KIAA0825: variants seen among roughly 807,000 people sequenced by gnomAD.
KIAA0825 encodes the protein uncharacterized protein KIAA0825.
Under a neutral mutation model 147.6 loss-of-function variants are expected in KIAA0825, and 119 were observed. The observed-to-expected ratio is 0.81, with a 90% CI of 0.69 to 0.94. The LOEUF is 0.94. Ranked by LOEUF, KIAA0825 falls within the 40% of genes least tolerant of loss-of-function variation. The pLI is 0.00. For synonymous variants in KIAA0825, 470 were observed against 518.1 expected, an observed-to-expected ratio of 0.91 and a Z score of 1.26; for missense variants, 1,381 against 1,472.7, an observed-to-expected ratio of 0.94 and a Z score of 1.02.
chr5:94,501,749 G>A (rs1007969483), intron 5 of KIAA0825, among the ~76,000 whole-genome samples: 5 of 152,064 alleles, frequency 3.3e-5, no homozygotes, highest in Admixed American at 2.6e-4. Context: ...TATTTGTTTT[G>A]GAGGGCAATT....
At chr5:94,225,351 T>A (rs1032678916) in intron 20 of KIAA0825, among the ~76,000 whole-genome samples, 1 of 152,242 alleles carries the variant, frequency 6.6e-6, no homozygotes, top group Non-Finnish European at 1.5e-5. Context: ...ATTGAAATTA[T>A]TGCTAAAATA....
intron 20 of KIAA0825, among the ~76,000 whole-genome samples, chr5:94,229,741 A>G (rs1258721297): frequency 2.5e-4 from 38 of 151,842 alleles, no homozygotes; most frequent in Admixed American, 2.5e-3. Flanking sequence ...CTTATAGGTC[A>G]TTTTTTATTA....
At chr5:94,254,070 T>A (rs1046783710) in intron 20 of KIAA0825, among the ~76,000 whole-genome samples, 1 of 152,114 alleles carries the variant, frequency 6.6e-6, no homozygotes, top group Non-Finnish European at 1.5e-5. Context: ...GAAACTTCAC[T>A]TTCTCAGGGC....
At chr5:94,349,030 CAACT>C (rs1331630111) in intron 20 of KIAA0825, among the ~76,000 whole-genome samples, 11 of 151,950 alleles carry the variant, frequency 7.2e-5, no homozygotes, top group African/African-American at 2.2e-4. Context: ...ACTCACCAAC[CAACT>C]ATCTGCTGTC....
At chr5:94,335,911 T>C (rs1781743733) in intron 20 of KIAA0825, among the ~76,000 whole-genome samples, 1 of 152,214 alleles carries the variant, frequency 6.6e-6, no homozygotes, top group Non-Finnish European at 1.5e-5. Flanking sequence ...AAATAATCAC[T>C]AACTTTTTAA....
chr5:94,499,248 A>AC (rs1764742009), intron 5 of KIAA0825, among the ~76,000 whole-genome samples: 1 of 152,178 alleles, frequency 6.6e-6, no homozygotes. Flanking sequence ...GACCTGAGAA[A>AC]CAAGGCCCAG....
chr5:94,457,560 C>A (rs567195236), intron 12 of KIAA0825, among the ~76,000 whole-genome samples: 24 of 152,292 alleles, frequency 1.6e-4, no homozygotes, highest in South Asian at 8.3e-4. Flanking sequence ...CATCGTAGGG[C>A]CTCTGTGCCG....
At chr5:94,391,239 A>G (rs912533816) in intron 18 of KIAA0825, among the ~76,000 whole-genome samples, 2 of 152,220 alleles carry the variant, frequency 1.3e-5, no homozygotes, top group Non-Finnish European at 2.9e-5. Flanking sequence ...CTTAACAGTC[A>G]CAAACACACA....
At chr5:94,332,029 G>A (rs1048201141) in intron 20 of KIAA0825, among the ~76,000 whole-genome samples, 1 of 151,810 alleles carries the variant, frequency 6.6e-6, no homozygotes, top group Non-Finnish European at 1.5e-5. Flanking sequence ...AGGCACAGGG[G>A]TGTGTGCCTA....
At chr5:94,536,923 A>G in intron 3 of KIAA0825, 73 bp downstream of exon 3, 1 of 1,054,550 alleles carries the variant, frequency 9.5e-7, no homozygotes, top group Non-Finnish European at 1.4e-6. Context: ...AGAGCAGGAT[A>G]CAAATAGACC....
At chr5:94,309,403 G>A (rs1359805107) in intron 20 of KIAA0825, among the ~76,000 whole-genome samples, 1 of 151,638 alleles carries the variant, frequency 6.6e-6, no homozygotes, top group Non-Finnish European at 1.5e-5. Context: ...GAGGATTACA[G>A]GAGAAAAGAG....
chr5:94,488,845 A>C lies in KIAA0825; in HGVS notation c.971-3915T>G, dbSNP rs1378498005. On this transcript the variant is annotated intron_variant, in intron 5 of 20. Coordinates refer to ENST00000682413, the MANE Select transcript of KIAA0825 (RefSeq NM_001145678.3). The stretch of plus-strand genomic sequence containing the variant: ...AATTCACAAGGCTAATTAGTATATT[A>C]AAGTCTCTATTTCCTGCCATAATAA... Among the ~76,000 whole-genome samples, 7 of 152,242 alleles carry C rather than the reference A, an allele frequency of 4.6e-5. No individual in the cohort carries two copies. The East Asian group carries it at 1.3e-3, about 29-fold the overall frequency.
intron 20 of KIAA0825, among the ~76,000 whole-genome samples, chr5:94,257,111 G>A (rs1473284275): frequency 6.6e-6 from 1 of 152,074 alleles, no homozygotes; most frequent in Non-Finnish European, 1.5e-5. Flanking sequence ...GGAGTACTGG[G>A]AGAGATTAAC....
chr5:94,488,525 A>G (rs1763330634), intron 5 of KIAA0825, among the ~76,000 whole-genome samples: 1 of 152,222 alleles, frequency 6.6e-6, no homozygotes, highest in African/African-American at 2.4e-5. Context: ...AAGCCCACGT[A>G]AATAATGAGG....
intron 20 of KIAA0825, among the ~76,000 whole-genome samples, chr5:94,367,599 G>C (rs554920555): frequency 6.6e-6 from 1 of 152,302 alleles, no homozygotes; most frequent in South Asian, 2.1e-4. Flanking sequence ...TGCCACAGTG[G>C]AGGTACTTGG....
chr5:94,594,279 T>C, intron 1 of KIAA0825: 1 of 632,372 alleles, frequency 1.6e-6, no homozygotes, highest in East Asian at 3.9e-5. Context: ...ATGCCCTGAG[T>C]TTCAGATCCC....
At chr5:94,185,825 T>C (rs1347299247) in intron 20 of KIAA0825, among the ~76,000 whole-genome samples, 3 of 152,208 alleles carry the variant, frequency 2.0e-5, no homozygotes, top group Admixed American at 2.0e-4. Flanking sequence ...TTCAGTTGTA[T>C]CATTTACTAG....
At chr5:94,559,748 A>G (rs1176926590) in intron 2 of KIAA0825, among the ~76,000 whole-genome samples, 1 of 152,126 alleles carries the variant, frequency 6.6e-6, no homozygotes, top group African/African-American at 2.4e-5. Flanking sequence ...CCTTCCTCCA[A>G]AACTCCCATA....
intron 2 of KIAA0825, among the ~76,000 whole-genome samples, chr5:94,581,062 C>A (rs555419878): frequency 6.6e-6 from 1 of 151,960 alleles, no homozygotes; most frequent in South Asian, 2.1e-4. Context: ...CAGGGCTTAC[C>A]TGTACTCAAT....
Sources: gnomAD v4.1 joint callset for allele counts (sites outside exome capture counted in the v4.1 genomes callset) on GRCh38, gnomAD v4.1.1 for gene constraint, MANE v1.5 for transcripts, NCBI Gene and HGNC (gene_info 2026-07-23, HGNC 2026-07-21) for gene names.